The following SUFU variants were observed in gnomAD, a reference collection of about 807,000 sequenced individuals.
SUFU encodes suppressor of fused homolog.
Under a neutral mutation model 58.9 loss-of-function variants are expected in SUFU, and 7 were observed. That is an observed-to-expected ratio of 0.12 (90% CI 0.07 to 0.22). The LOEUF (loss-of-function observed/expected upper bound fraction) is 0.22, where lower values mean the gene tolerates loss of function less well. Among genes scored for constraint, SUFU ranks in the 10% least tolerant of loss-of-function variants. The pLI is 1.00. For synonymous variants in SUFU, 232 were observed against 254.8 expected (o/e 0.91, Z 0.85); for missense variants, 451 against 641.3 (o/e 0.70, Z 3.20).
intron 3 of SUFU, chr10:102,573,243 C>A (rs2063181237): frequency 1.5e-6 from 1 of 683,138 alleles, no homozygotes; most frequent in South Asian, 1.5e-5. Context: ...AAAGGGCCTC[C>A]ATTTTAATTA....
intron 8 of SUFU, among the ~76,000 whole-genome samples, chr10:102,605,207 GTGCC>G (rs569380591): frequency 1.3e-5 from 2 of 151,830 alleles, no homozygotes; most frequent in South Asian, 4.2e-4. Context: ...ATGAGCCACT[GTGCC>G]CTGCCAAATA....
At position 102,631,740 on chromosome 10, in the gene SUFU, G is replaced by C. The variant is rs2063838924; in HGVS notation, c.*1585G>C. ...CACCAGCTGGGTTCTCCAGGGAGCA[G>C]GAGTTGGACCTCCATGGAGCCACTA... On this transcript the variant is annotated 3_prime_UTR_variant, in exon 12 of 12. Transcript: ENST00000369902. 1 of 233,414 alleles carries C rather than the reference G, an allele frequency of 4.3e-6. No individual in the cohort carries two copies. Among genetic ancestry groups the C allele is most frequent in the Non-Finnish European group, 8.5e-6 (1 of 118,254 alleles). 14.5% of individuals were successfully genotyped at this position (233,414 alleles called of 1,614,324 possible). A position where few individuals can be genotyped will look rare whatever the true frequency, so the allele number is the denominator to read the frequency against.
intron 8 of SUFU, among the ~76,000 whole-genome samples, chr10:102,600,502 T>C (rs2063505610): frequency 6.6e-6 from 1 of 152,294 alleles, no homozygotes; most frequent in Admixed American, 6.5e-5. Context: ...GTCGATGTGA[T>C]TTGTTGGAAA....
In SUFU at chr10:102,599,478, A is replaced by G. The variant is rs1479527039; in HGVS notation, c.956A>G (p.Asn319Ser). 3.7e-6 allele frequency: 6 copies of G among 1,614,212 alleles called. No homozygotes were observed. Among genetic ancestry groups the G allele is most frequent in the African/African-American group, 1.3e-5 (1 of 75,062 alleles). ...ACCCTGAGGAGAGGACTCGAGATCA[A>G]CAGCAAACCTGTCCTTCCACCAATC... ...RETLRRGLEI[N>S]SKPVLPPINP... Residue 319 changes from asparagine (N) to serine (S), a missense_variant, in exon 8 of 12, where the codon AAC becomes AGC. Transcript: ENST00000369902.
intron 2 of SUFU, among the ~76,000 whole-genome samples, chr10:102,521,108 ATTG>A (rs2062546469): frequency 6.6e-6 from 1 of 152,056 alleles, no homozygotes; most frequent in African/African-American, 2.4e-5. Context: ...GAGAGTTCCT[ATTG>A]TTTCATGTCC....
At chr10:102,521,940 C>G (rs78856533) in intron 2 of SUFU, among the ~76,000 whole-genome samples, 7 of 152,154 alleles carry the variant, frequency 4.6e-5, no homozygotes, top group African/African-American at 1.7e-4. Context: ...CTTTTGTTTA[C>G]AATTCTATGT....
intron 3 of SUFU, among the ~76,000 whole-genome samples, chr10:102,584,912 C>T (rs1025059200): frequency 3.9e-5 from 6 of 152,200 alleles, no homozygotes; most frequent in South Asian, 4.1e-4. Flanking sequence ...CAATCTCAAG[C>T]ATCCTTTTCT....
At chr10:102,578,771 T>C (rs2063242689) in intron 3 of SUFU, among the ~76,000 whole-genome samples, 1 of 151,336 alleles carries the variant, frequency 6.6e-6, no homozygotes, top group South Asian at 2.1e-4. Context: ...CTCGGGAGGC[T>C]GAGGCACGAG....
chr10:102,535,914 T>G (rs534550961), intron 2 of SUFU, among the ~76,000 whole-genome samples: 1 of 149,804 alleles, frequency 6.7e-6, no homozygotes, highest in South Asian at 2.1e-4. Context: ...CTTGTGGGGT[T>G]TATAGTCTAG....
At chr10:102,520,171 C>T (rs1205723322) in intron 2 of SUFU, among the ~76,000 whole-genome samples, 1 of 150,658 alleles carries the variant, frequency 6.6e-6, no homozygotes, top group South Asian at 2.1e-4. Flanking sequence ...CATAGTTTAC[C>T]TTAGGCTTCA....
rs1564707511 is a variant in SUFU, at chr10:102,617,470, C to T, written c.1296+42C>T. 5 of 1,613,568 alleles carry T rather than the reference C, an allele frequency of 3.1e-6. No individual in the cohort carries two copies. On this transcript the variant is annotated intron_variant, in intron 10 of 11. Coordinates refer to ENST00000369902, the MANE Select transcript of SUFU (RefSeq NM_016169.4). The surrounding 1 kb of genome is among the most constrained non-coding windows in gnomAD (Gnocchi z 4.4). ...TCTTCTCCCTCCTTCCTTTCATAGACTTCCTTGCCCACCCCTCCTCTTCTC... is the reference window on the plus strand; with the variant it reads ...TCTTCTCCCTCCTTCCTTTCATAGATTTCCTTGCCCACCCCTCCTCTTCTC...
chr10:102,522,077 G>C (rs1000084851), intron 2 of SUFU, among the ~76,000 whole-genome samples: 2 of 152,202 alleles, frequency 1.3e-5, no homozygotes. Context: ...ATCTTCTGAG[G>C]CTTCCCTGCT....
chr10:102,570,416 A>AT (rs1191184569), intron 3 of SUFU, among the ~76,000 whole-genome samples: 4 of 151,670 alleles, frequency 2.6e-5, no homozygotes, highest in African/African-American at 7.3e-5. Context: ...TAATTCTTAT[A>AT]TTTTTTAGTA....
chr10:102,504,299 G>T lies in SUFU; in HGVS notation c.147G>T (p.Pro49=). The change falls in exon 1 of 12, where the codon CCG becomes CCT. Residue 49 remains proline (P), a synonymous_variant. Coordinates refer to ENST00000369902, the MANE Select transcript of SUFU (RefSeq NM_016169.4). Reference sequence around the variant, plus strand: ...GCCGCCGCCTTTACCCTGACCAGCCGAACCCGCTCCAGGTTACCGCTATCG... The same window carrying T: ...GCCGCCGCCTTTACCCTGACCAGCCTAACCCGCTCCAGGTTACCGCTATCG... ...GECRRLYPDQ[P]NPLQVTAIVK... The T allele has an allele frequency of 1.2e-6, 2 of 1,609,684 alleles. No individual in the cohort carries two copies. Among genetic ancestry groups the T allele is most frequent in the South Asian group, 1.1e-5 (1 of 90,964 alleles).
chr10:102,597,635 T>C (rs377484586), intron 7 of SUFU, among the ~76,000 whole-genome samples: 1 of 152,302 alleles, frequency 6.6e-6, no homozygotes. Context: ...AAGAGAAAAG[T>C]GTCGGCCACC....
At chr10:102,573,321 A>G (rs1023284329) in intron 3 of SUFU, 51 of 508,636 alleles carry the variant, frequency 1.0e-4, no homozygotes, top group South Asian at 2.8e-4. Flanking sequence ...AAAAAACAAA[A>G]CAAAACAGAA....
At chr10:102,526,640 C>T (rs1298460833) in intron 2 of SUFU, among the ~76,000 whole-genome samples, 2 of 152,170 alleles carry the variant, frequency 1.3e-5, no homozygotes, top group African/African-American at 4.8e-5. Context: ...GGGGAGGATG[C>T]TGTTAGCAGT....
chr10:102,621,618 G>A (rs2063740864), intron 10 of SUFU, among the ~76,000 whole-genome samples: 1 of 152,198 alleles, frequency 6.6e-6, no homozygotes, highest in Non-Finnish European at 1.5e-5. Context: ...AGACAGGACT[G>A]CTTCCCCGTC....
intron 8 of SUFU, among the ~76,000 whole-genome samples, chr10:102,613,026 A>G (rs560779611): frequency 1.2e-4 from 18 of 152,212 alleles, no homozygotes; most frequent in Admixed American, 3.3e-4. Context: ...CTGAGCCCTC[A>G]CCTGTGACTG....
Sources: gnomAD v4.1 joint callset for allele counts (sites outside exome capture counted in the v4.1 genomes callset) on GRCh38, gnomAD v4.1.1 for gene constraint, Gnocchi (gnomAD v3.1) non-coding constraint, MANE v1.5 for transcripts, NCBI Gene and HGNC (gene_info 2026-07-23, HGNC 2026-07-21) for gene names.